The following DPP10 variants were observed in gnomAD, a reference collection of about 807,000 sequenced individuals.
The protein encoded by DPP10 is dipeptidyl peptidase like 10, also known as inactive dipeptidyl peptidase 10.
A neutral mutation model predicts 120.9 loss-of-function variants in DPP10; 33 were observed. The ratio of observed to expected loss-of-function variants is 0.27; its 90% confidence interval spans 0.21 to 0.37. The LOEUF (loss-of-function observed/expected upper bound fraction) is 0.37, where lower values mean the gene tolerates loss of function less well. DPP10 is among the 10% of genes least tolerant of loss of function. DPP10 has a pLI of 1.00. For synonymous variants in DPP10, 337 were observed against 326.1 expected, an observed-to-expected ratio of 1.03 and a Z score of -0.36; for missense variants, 816 against 942.8, an observed-to-expected ratio of 0.87 and a Z score of 1.76.
At chr2:115,739,985 T>C (rs532724491) in intron 9 of DPP10, 92 bp downstream of exon 9, 2 of 1,435,666 alleles carry the variant, frequency 1.4e-6, no homozygotes, top group African/African-American at 2.8e-5. Flanking sequence ...CAAGTTGTCT[T>C]TGGAGGAAAA....
At position 114,931,337 on chromosome 2, in the gene DPP10, G is replaced by T. The variant is rs549516317; in HGVS notation, c.61-377902G>T. On this transcript the variant is annotated intron_variant, in intron 1 of 25. Coordinates refer to ENST00000410059, the MANE Select transcript of DPP10 (RefSeq NM_020868.6). ...CATCTGCATCTGGGGAGGGCCTCAG[G>T]CTGCTTCCACTCATGGCAGAAAGTG... is the stretch of plus-strand genomic sequence containing the variant. Among the ~76,000 whole-genome samples the T allele has an allele frequency of 9.8e-5, 15 of 152,304 alleles. No homozygotes were observed. In the East Asian group the frequency reaches 2.1e-3, roughly 22 times the overall value.
At chr2:115,658,643 A>G (rs546711226) in intron 5 of DPP10, among the ~76,000 whole-genome samples, 2 of 152,286 alleles carry the variant, frequency 1.3e-5, no homozygotes, top group African/African-American at 2.4e-5. Context: ...ACAAAAATCT[A>G]TTAGATCTAT....
At chr2:114,909,038 G>T (rs1388901584) in intron 1 of DPP10, among the ~76,000 whole-genome samples, 1 of 151,626 alleles carries the variant, frequency 6.6e-6, no homozygotes, top group Non-Finnish European at 1.5e-5. Flanking sequence ...AAGTTTGAAA[G>T]AAATCACTAC....
chr2:115,295,640 C>A (rs915169685), intron 1 of DPP10, among the ~76,000 whole-genome samples: 3 of 152,046 alleles, frequency 2.0e-5, no homozygotes, highest in African/African-American at 7.2e-5. Context: ...CTTTTAATGG[C>A]AAAAGCAATA....
At chr2:115,251,517 T>G (rs940297718) in intron 1 of DPP10, among the ~76,000 whole-genome samples, 4 of 152,130 alleles carry the variant, frequency 2.6e-5, no homozygotes, top group African/African-American at 9.7e-5. Context: ...TCTAAGTCTC[T>G]TCAACCCCTG....
chr2:114,749,366 T>TTA (rs1238044299), intron 1 of DPP10, among the ~76,000 whole-genome samples: 3 of 152,104 alleles, frequency 2.0e-5, no homozygotes, highest in Admixed American at 6.5e-5. Flanking sequence ...AGCCATGTCT[T>TTA]TTATAAAGAC....
intron 1 of DPP10, among the ~76,000 whole-genome samples, chr2:115,093,053 A>G (rs1397360018): frequency 6.6e-6 from 1 of 152,200 alleles, no homozygotes; most frequent in Non-Finnish European, 1.5e-5. Context: ...ATAAAAAGCT[A>G]GAAGATAGGA....
At chr2:115,023,652 A>G (rs1220888326) in intron 1 of DPP10, among the ~76,000 whole-genome samples, 1 of 152,128 alleles carries the variant, frequency 6.6e-6, no homozygotes. Context: ...AGGTATCTAC[A>G]CAGAGGAAAA....
intron 1 of DPP10, among the ~76,000 whole-genome samples, chr2:114,804,415 G>C (rs1477990643): frequency 6.6e-6 from 1 of 152,154 alleles, no homozygotes; most frequent in Non-Finnish European, 1.5e-5. Flanking sequence ...TCCCAGAATG[G>C]TAGATCCACC....
At chr2:114,907,503 T>C (rs1410029466) in intron 1 of DPP10, among the ~76,000 whole-genome samples, 1 of 152,138 alleles carries the variant, frequency 6.6e-6, no homozygotes, top group Non-Finnish European at 1.5e-5. Flanking sequence ...GTGTCTTTAT[T>C]TGCATTTATC....
chr2:115,184,890 T>A (rs1322923441), intron 1 of DPP10, among the ~76,000 whole-genome samples: 1 of 152,146 alleles, frequency 6.6e-6, no homozygotes, highest in Non-Finnish European at 1.5e-5. Context: ...GAAAAATGAA[T>A]AATAGCATTT....
At chr2:114,462,443 C>G (rs1679006346) in intron 1 of DPP10, among the ~76,000 whole-genome samples, 1 of 152,160 alleles carries the variant, frequency 6.6e-6, no homozygotes, top group African/African-American at 2.4e-5. Context: ...TTCAGACTTT[C>G]TTTTCGACAA....
chr2:115,471,689 C>T (rs543139007), intron 3 of DPP10, among the ~76,000 whole-genome samples: 19 of 152,082 alleles, frequency 1.2e-4, no homozygotes, highest in East Asian at 3.9e-4. Context: ...CTGGCTCAAG[C>T]GATCCTCTCA....
At chr2:114,934,966 C>G (rs985262000) in intron 1 of DPP10, among the ~76,000 whole-genome samples, 1 of 152,098 alleles carries the variant, frequency 6.6e-6, no homozygotes, top group Non-Finnish European at 1.5e-5. Flanking sequence ...ATCATATTTT[C>G]TCATTCATGG....
At chr2:115,207,627 T>A (rs1318999177) in intron 1 of DPP10, among the ~76,000 whole-genome samples, 1 of 152,092 alleles carries the variant, frequency 6.6e-6, no homozygotes, top group Admixed American at 6.6e-5. Flanking sequence ...CAAGAGAGCA[T>A]GTCCCTGTGA....
At chr2:115,410,082 T>C (rs1369586234) in intron 3 of DPP10, among the ~76,000 whole-genome samples, 2 of 152,208 alleles carry the variant, frequency 1.3e-5, no homozygotes, top group African/African-American at 4.8e-5. Context: ...ATTTTCTGCA[T>C]ATAGCTAGCC....
At chr2:114,560,254 G>C (rs1046728569) in intron 1 of DPP10, among the ~76,000 whole-genome samples, 1 of 152,172 alleles carries the variant, frequency 6.6e-6, no homozygotes, top group Non-Finnish European at 1.5e-5. Context: ...CAGAGTGGAA[G>C]AGGAGAAGCA....
intron 5 of DPP10, among the ~76,000 whole-genome samples, chr2:115,593,841 G>A (rs1198400392): frequency 6.6e-6 from 1 of 152,102 alleles, no homozygotes; most frequent in African/African-American, 2.4e-5. Flanking sequence ...AGTTCAACAG[G>A]AATCATTGTT....
intron 1 of DPP10, among the ~76,000 whole-genome samples, chr2:114,959,536 T>G (rs1698458632): frequency 6.6e-6 from 1 of 152,222 alleles, no homozygotes; most frequent in Non-Finnish European, 1.5e-5. Context: ...CTGTAAACAT[T>G]TATGTATAAA....
Sources: allele counts gnomAD v4.1 joint callset (sites outside exome capture counted in the v4.1 genomes callset), GRCh38; gene constraint gnomAD v4.1.1; transcripts MANE v1.5; gene names NCBI Gene and HGNC (gene_info 2026-07-23, HGNC 2026-07-21).